The following CCDC7 variants were observed in gnomAD, a reference collection of about 807,000 sequenced individuals.
CCDC7 encodes coiled-coil domain containing 7.
A neutral mutation model predicts 196.9 loss-of-function variants in CCDC7; 183 were observed. The observed-to-expected ratio is 0.93, with a 90% CI of 0.82 to 1.05. CCDC7 has a LOEUF of 1.05. Ranked by LOEUF, CCDC7 falls within the 50% of genes least tolerant of loss-of-function variation. The probability of loss-of-function intolerance (pLI) is 0.00; values close to 1 mark genes in which losing one functional copy is unlikely to be tolerated. For synonymous variants in CCDC7, 525 were observed against 484.6 expected (o/e 1.08, Z -1.10); for missense variants, 1,540 against 1,482.2 (o/e 1.04, Z -0.64).
At chr10:32,828,483 GAGGAAGAAGAAGAAGAAGAAGAA>G (rs1565634087) in intron 32 of CCDC7, among the ~76,000 whole-genome samples, 1 of 72,566 alleles carries the variant, frequency 1.4e-5, no homozygotes, top group Non-Finnish European at 3.2e-5. Flanking sequence ...GGAAGAGGAA[GAGGAAGAAGAAGAAGAAGAAGAA>G]GAAGAAGAAG....
At chr10:32,505,380 C>G (rs1489707829) in intron 9 of CCDC7, among the ~76,000 whole-genome samples, 1 of 151,980 alleles carries the variant, frequency 6.6e-6, no homozygotes, top group East Asian at 1.9e-4. Flanking sequence ...GTGGTGATGA[C>G]TCTTAACGAG....
At chr10:32,763,004 A>G (rs80279277) in intron 28 of CCDC7, among the ~76,000 whole-genome samples, 1,582 of 152,070 alleles carry the variant, frequency 0.01, 19 homozygotes, top group African/African-American at 0.035. Flanking sequence ...GCAAAAGTAT[A>G]CAAGTGGAAG....
intron 38 of CCDC7, among the ~76,000 whole-genome samples, chr10:32,848,291 T>A (rs2093398507): frequency 6.6e-6 from 1 of 152,194 alleles, no homozygotes. Context: ...ACTATCTTTC[T>A]AAGTGTATCC....
At chr10:32,513,518 A>C (rs1196790624) in intron 9 of CCDC7, 1 of 152,076 alleles carries the variant, frequency 6.6e-6, no homozygotes, top group Non-Finnish European at 1.5e-5. Flanking sequence ...TGATACCAAA[A>C]TTAGACAATC....
intron 33 of CCDC7, among the ~76,000 whole-genome samples, chr10:32,837,826 C>T (rs983941282): frequency 2.0e-5 from 3 of 149,592 alleles, no homozygotes; most frequent in African/African-American, 7.4e-5. Flanking sequence ...ATCACAAGGA[C>T]AAAGTACCAA....
intron 32 of CCDC7, among the ~76,000 whole-genome samples, chr10:32,828,813 G>A (rs1258000468): frequency 6.6e-6 from 1 of 152,138 alleles, no homozygotes; most frequent in Non-Finnish European, 1.5e-5. Flanking sequence ...GGTGGAAGTG[G>A]GAAGTGGCAC....
rs185715125 is a variant in CCDC7 at position 32,728,466 on chromosome 10, T to C, written c.2669-421T>C. ...TAATATCATACCATTGTTTGTGGTA[T>C]ATATATCTGTTCATTTGACCAATCT... On this transcript the variant is annotated intron_variant, in intron 26 of 41. Coordinates refer to ENST00000639629, the Ensembl canonical transcript of CCDC7. Among the ~76,000 whole-genome samples, 5 of 152,324 alleles carry C rather than the reference T, an allele frequency of 3.3e-5. 1 individual carries two copies.
chr10:32,759,921 A>C (rs989993902), intron 28 of CCDC7, among the ~76,000 whole-genome samples: 1 of 152,066 alleles, frequency 6.6e-6, no homozygotes, highest in African/African-American at 2.4e-5. Context: ...AACCCCATCA[A>C]AAAGTGGGCG....
At chr10:32,662,460 A>G (rs2071684280) in intron 20 of CCDC7, among the ~76,000 whole-genome samples, 1 of 152,166 alleles carries the variant, frequency 6.6e-6, no homozygotes, top group Non-Finnish European at 1.5e-5. Flanking sequence ...TATCCAGGAT[A>G]GCGCTTTTAT....
intron 29 of CCDC7, among the ~76,000 whole-genome samples, chr10:32,779,317 C>G (rs1202169605): frequency 6.6e-6 from 1 of 152,248 alleles, no homozygotes; most frequent in East Asian, 1.9e-4. Flanking sequence ...CCTTTACCTA[C>G]TCATGAAACA....
intron 28 of CCDC7, 147 bp from the exon 30 acceptor site, chr10:32,778,830 A>T (rs1301163170): frequency 1.6e-5 from 10 of 623,282 alleles, no homozygotes; most frequent in Admixed American, 6.0e-5. Flanking sequence ...TTTTTCATTT[A>T]TTTGTGCCAT....
At chr10:32,827,610 C>A (rs1237078523) in intron 32 of CCDC7, among the ~76,000 whole-genome samples, 1 of 147,030 alleles carries the variant, frequency 6.8e-6, no homozygotes, top group Admixed American at 6.9e-5. Flanking sequence ...CACATGGACA[C>A]CGGGTGGGGA....
At chr10:32,621,137 G>C (rs1198021009) in intron 18 of CCDC7, among the ~76,000 whole-genome samples, 1 of 152,086 alleles carries the variant, frequency 6.6e-6, no homozygotes, top group Admixed American at 6.6e-5. Context: ...CAAGATTTAG[G>C]TGATAAATTA....
intron 18 of CCDC7, among the ~76,000 whole-genome samples, chr10:32,589,419 T>C (rs570683827): frequency 7.9e-4 from 120 of 152,296 alleles, no homozygotes; most frequent in Non-Finnish European, 6.8e-4. Flanking sequence ...CTTAGGCTGC[T>C]TCCAAATCTT....
intron 30 of CCDC7, among the ~76,000 whole-genome samples, chr10:32,807,036 A>G (rs1565560949): frequency 2.0e-5 from 3 of 152,210 alleles, no homozygotes; most frequent in Non-Finnish European, 4.4e-5. Flanking sequence ...TATTTATTGA[A>G]CATGAAGGTG....
intron 26 of CCDC7, among the ~76,000 whole-genome samples, chr10:32,727,281 C>G (rs1281634509): frequency 6.6e-6 from 1 of 152,108 alleles, no homozygotes. Flanking sequence ...GTCCTGAAGG[C>G]TTGTTGGTTA....
intron 21 of CCDC7, among the ~76,000 whole-genome samples, chr10:32,669,948 C>G (rs2073721242): frequency 6.6e-6 from 1 of 152,100 alleles, no homozygotes; most frequent in African/African-American, 2.4e-5. Context: ...AAATTATAAT[C>G]AGACGTTTGC....
intron 28 of CCDC7, among the ~76,000 whole-genome samples, chr10:32,733,180 T>C (rs998267832): frequency 6.6e-6 from 1 of 152,092 alleles, no homozygotes; most frequent in Non-Finnish European, 1.5e-5. Flanking sequence ...GAATACCTTA[T>C]GAAACCATTT....
At chr10:32,454,599 AT>A (rs1487157060) in intron 2 of CCDC7, among the ~76,000 whole-genome samples, 5 of 152,218 alleles carry the variant, frequency 3.3e-5, no homozygotes, top group South Asian at 4.2e-4. Context: ...CACCAAAAAA[AT>A]AAAATAAAAT....
Sources: allele counts gnomAD v4.1 joint callset (sites outside exome capture counted in the v4.1 genomes callset), GRCh38; gene constraint gnomAD v4.1.1; transcripts MANE v1.5; gene names NCBI Gene and HGNC (gene_info 2026-07-23, HGNC 2026-07-21).